Variants in KANK4 observed in about 807,000 individuals in gnomAD.
KANK4 encodes KN motif and ankyrin repeat domain-containing protein 4.
Under a neutral mutation model 80.8 loss-of-function variants are expected in KANK4, and 50 were observed. The ratio of observed to expected loss-of-function variants is 0.62; its 90% confidence interval spans 0.49 to 0.78. The LOEUF (loss-of-function observed/expected upper bound fraction) is 0.78, where lower values mean the gene tolerates loss of function less well. Ranked by LOEUF, KANK4 falls within the 30% of genes least tolerant of loss-of-function variation. KANK4 has a pLI of 0.00. For synonymous variants in KANK4, 465 were observed against 506.9 expected, an observed-to-expected ratio of 0.92 and a Z score of 1.11; for missense variants, 1,196 against 1,240.1, an observed-to-expected ratio of 0.96 and a Z score of 0.53.
rs746601085 is a variant in KANK4 at position 62,273,566 on chromosome 1, T to C, written c.1538A>G (p.Gln513Arg). ...EAGTEQEGGP[Q>R]GGTRGAGGFL... is the part of the protein sequence containing the mutation. ...GCCTCCTGCTCCCCTGGTTCCTCCC[T>C]GAGGGCCTCCTTCCTGTTCAGTGCC... Residue 513 changes from glutamine (Q) to arginine (R), a missense_variant, in exon 3 of 10, where the codon CAG becomes CGG. Gln to Arg is a conservative substitution (Grantham distance 43). This residue lies in a region of KANK4 where 1,154 missense variants were observed against 1,179.6 expected (regional missense o/e 0.98). Coordinates refer to ENST00000371153, the MANE Select transcript of KANK4 (RefSeq NM_181712.5). The C allele has an allele frequency of 8.1e-6, 13 of 1,614,010 alleles. No individual in the cohort carries two copies. Among genetic ancestry groups the C allele is most frequent in the Non-Finnish European group, 1.1e-5 (13 of 1,179,904 alleles).
intron 9 of KANK4, among the ~76,000 whole-genome samples, chr1:62,246,700 C>G (rs1486521083): frequency 6.6e-6 from 1 of 152,100 alleles, no homozygotes; most frequent in African/African-American, 2.4e-5. Flanking sequence ...TGGGCTCAAG[C>G]AATCCTCCTG....
chr1:62,304,279 G>C (rs1347557422), intron 1 of KANK4, among the ~76,000 whole-genome samples: 1 of 152,070 alleles, frequency 6.6e-6, no homozygotes, highest in Non-Finnish European at 1.5e-5. Flanking sequence ...AATAGCAACA[G>C]AACTGATAAG....
At chr1:62,269,501 A>G (rs1672108581) in intron 4 of KANK4, among the ~76,000 whole-genome samples, 3 of 152,176 alleles carry the variant, frequency 2.0e-5, no homozygotes, top group African/African-American at 2.4e-5. Context: ...TTCTTCCTCT[A>G]TTATGTATGG....
intron 6 of KANK4, 148 bp from the exon 7 acceptor site, chr1:62,263,459 G>T (rs1570986042): frequency 1.4e-6 from 1 of 690,024 alleles, no homozygotes; most frequent in East Asian, 2.7e-5. Context: ...AGAGCTGGTG[G>T]GGTTAGGAAT....
chr1:62,267,739 T>C (rs1299259671), intron 5 of KANK4, among the ~76,000 whole-genome samples: 1 of 149,568 alleles, frequency 6.7e-6, no homozygotes. Context: ...GAGGCAGAGG[T>C]TGCAGTGAGC....
intron 2 of KANK4, among the ~76,000 whole-genome samples, chr1:62,278,340 C>G (rs796095089): frequency 9.6e-5 from 1 of 10,450 alleles, no homozygotes; most frequent in African/African-American, 1.1e-3. Flanking sequence ...TTCCTTCCTT[C>G]CTTCCTTCCT....
chr1:62,268,201 G>A, intron 5 of KANK4, 86 bp downstream of exon 5: 2 of 1,063,862 alleles, frequency 1.9e-6, no homozygotes, highest in South Asian at 1.3e-5. Flanking sequence ...GTACATGAAT[G>A]AACAAATGAT....
In KANK4 at chr1:62,266,737, G is replaced by A. The variant is rs188072572; in HGVS notation, c.2314C>T (p.Leu772Phe). ...LPETGTTTDQ[L>F]LRQSLNTISQ... is the part of the protein sequence containing the mutation. The stretch of plus-strand genomic sequence containing the variant: ...ACAATGAAAAATTAGAGTACCAAGA[G>A]CTGGTCTGTGGTGGTCCCAGTTTCT... Residue 772 changes from leucine to phenylalanine, a missense_variant, in exon 6 of 10, where the codon CTC becomes TTC. This residue lies in a region of KANK4 where 1,154 missense variants were observed against 1,179.6 expected (regional missense o/e 0.98). Coordinates refer to ENST00000371153, the MANE Select transcript of KANK4 (RefSeq NM_181712.5). The A allele has an allele frequency of 5.2e-5, 83 of 1,598,640 alleles. No homozygotes were observed. In the East Asian group the frequency reaches 1.8e-3, roughly 34 times the overall value.
chr1:62,274,537 G>A lies in KANK4; in HGVS notation c.567C>T (p.Ala189=), dbSNP rs868276031. 6.2e-7 allele frequency: 1 copy of A among 1,614,120 alleles called. No individual in the cohort carries two copies. Among genetic ancestry groups the A allele is most frequent in the South Asian group, 1.1e-5 (1 of 91,078 alleles). Residue 189 remains alanine, a synonymous_variant, in exon 3 of 10, where the codon GCC becomes GCT. Transcript: ENST00000371153. ...TGCCTTCACCCTGAAGGGGAGGGAG[G>A]GCAGGAGGGGCAGGGGGCCCCAGGC... ...GLSLGPPAPP[A]LPPLQGEGSV... is the part of the protein sequence containing the mutation.
intron 1 of KANK4, among the ~76,000 whole-genome samples, chr1:62,296,259 G>A (rs893079998): frequency 3.9e-5 from 6 of 152,162 alleles, no homozygotes; most frequent in African/African-American, 1.4e-4. Context: ...CAGCAGCAGT[G>A]TGTGCCGTTC....
At chr1:62,241,480 T>A (rs185461436) in intron 9 of KANK4, among the ~76,000 whole-genome samples, 2 of 152,292 alleles carry the variant, frequency 1.3e-5, no homozygotes, top group East Asian at 3.9e-4. Flanking sequence ...ATGCTCGTAT[T>A]TGTGAGGTTA....
chr1:62,268,878 C>T (rs115596731), intron 4 of KANK4, among the ~76,000 whole-genome samples: 1,800 of 152,318 alleles, frequency 0.012, 32 homozygotes, highest in Middle Eastern at 0.068. Flanking sequence ...GCAATCCTAA[C>T]GTTAGGTCCG....
chr1:62,271,636 G>T, intron 3 of KANK4, 47 bp from the exon 4 acceptor site: 2 of 1,400,754 alleles, frequency 1.4e-6, no homozygotes, highest in Non-Finnish European at 1.0e-6. Flanking sequence ...GGGGATGCAT[G>T]GGAATGTAGC....
At chr1:62,292,684 A>G (rs1270588254) in intron 1 of KANK4, among the ~76,000 whole-genome samples, 2 of 152,174 alleles carry the variant, frequency 1.3e-5, no homozygotes, top group East Asian at 3.9e-4. Flanking sequence ...GAACCCTGAA[A>G]GGCTTCAGAA....
rs554535193 is a variant in KANK4, at chr1:62,296,805, G to A, written c.-70-15171C>T. 1.2e-4 allele frequency among the ~76,000 whole-genome samples: 19 copies of A among 152,192 alleles called. No homozygotes were observed. The East Asian group carries it at 3.5e-3, about 28-fold the overall frequency. The stretch of plus-strand genomic sequence containing the variant: ...TCTACCCGCCTTGGCCTCCCAAAGT[G>A]TTAGGATTATAGGCGTGAGCCACCA... On this transcript the variant is annotated intron_variant, in intron 1 of 9. Coordinates refer to ENST00000371153, the MANE Select transcript of KANK4 (RefSeq NM_181712.5).
At chr1:62,271,393 C>G (rs1475520270) in intron 4 of KANK4, 85 bp downstream of exon 4, 2 of 889,664 alleles carry the variant, frequency 2.2e-6, no homozygotes, top group African/African-American at 3.3e-5. Flanking sequence ...AAACCAGATG[C>G]CTCCCCCTAG....
At chr1:62,273,149 T>A in intron 3 of KANK4, 55 bp downstream of exon 3, 1 of 1,242,630 alleles carries the variant, frequency 8.0e-7, no homozygotes, top group South Asian at 1.7e-5. Flanking sequence ...CTCTGCCTTA[T>A]CATGTGAAGG....
chr1:62,285,278 G>A (rs1295547890), intron 1 of KANK4, among the ~76,000 whole-genome samples: 2 of 152,174 alleles, frequency 1.3e-5, no homozygotes, highest in Non-Finnish European at 2.9e-5. Context: ...TGGTCACTTG[G>A]CAGACAGCGA....
intron 1 of KANK4, among the ~76,000 whole-genome samples, chr1:62,298,880 G>A (rs923602430): frequency 6.6e-6 from 1 of 152,114 alleles, no homozygotes; most frequent in Admixed American, 6.5e-5. Flanking sequence ...ACTGTGCCAA[G>A]TACTACACTA....
Sources: gnomAD v4.1 joint callset for allele counts (sites outside exome capture counted in the v4.1 genomes callset) on GRCh38, gnomAD v4.1.1 for gene constraint, gnomAD v4.1.1 regional missense constraint, MANE v1.5 for transcripts, NCBI Gene and HGNC (gene_info 2026-07-23, HGNC 2026-07-21) for gene names.